RBM33: variants seen among roughly 807,000 people sequenced by gnomAD.
RBM33 encodes the protein RNA-binding protein 33.
A neutral mutation model predicts 132.6 loss-of-function variants in RBM33; 28 were observed. That is an observed-to-expected ratio of 0.21 (90% CI 0.16 to 0.29). The LOEUF (loss-of-function observed/expected upper bound fraction) is 0.29, where lower values mean the gene tolerates loss of function less well. RBM33 is among the 10% of genes least tolerant of loss of function. The pLI, the probability that RBM33 is intolerant of heterozygous loss-of-function variation, is 1.00. For synonymous variants in RBM33, 634 were observed against 593.0 expected (o/e 1.07, Z -1.01); for missense variants, 1,291 against 1,518.5 (o/e 0.85, Z 2.49).
intron 6 of RBM33, among the ~76,000 whole-genome samples, chr7:155,702,748 A>G (rs1800004396): frequency 6.6e-6 from 1 of 152,118 alleles, no homozygotes; most frequent in African/African-American, 2.4e-5. Context: ...CTGGGGAGGG[A>G]TGGAGGAAGA....
At chr7:155,684,788 G>A (rs1799426719) in intron 5 of RBM33, 11 of 846,816 alleles carry the variant, frequency 1.3e-5, no homozygotes, top group Non-Finnish European at 1.9e-5. Flanking sequence ...CTGTTTCTGG[G>A]CCTGGTGCTT....
chr7:155,740,352 T>A (rs1313612726), intron 12 of RBM33, among the ~76,000 whole-genome samples: 1 of 152,244 alleles, frequency 6.6e-6, no homozygotes, highest in Non-Finnish European at 1.5e-5. Flanking sequence ...TTTTGGGTGG[T>A]AGTCACTTTC....
chr7:155,701,276 G>A (rs1037976433), intron 6 of RBM33: 28 of 427,362 alleles, frequency 6.6e-5, no homozygotes, highest in Middle Eastern at 1.2e-3. Flanking sequence ...GTAGCTATGG[G>A]GCCAGGTTGA....
At position 155,704,534 on chromosome 7, in the gene RBM33, G is replaced by A. The variant is rs370698982; in HGVS notation, c.740-2326G>A. Among the ~76,000 whole-genome samples the A allele has an allele frequency of 3.3e-5, 5 of 152,308 alleles. No individual in the cohort carries two copies. The East Asian group carries it at 9.6e-4, about 29-fold the overall frequency. On this transcript the variant is annotated intron_variant, in intron 6 of 17. Transcript: ENST00000401878. ...TTTCTGAAGATGGTGTCACTGACCAGTGTCCCCCAATTGCCAGTCCTGCAA... is the reference window on the plus strand; with the variant it reads ...TTTCTGAAGATGGTGTCACTGACCAATGTCCCCCAATTGCCAGTCCTGCAA...
intron 9 of RBM33, among the ~76,000 whole-genome samples, chr7:155,722,221 C>T (rs1800649685): frequency 6.6e-6 from 1 of 152,190 alleles, no homozygotes. Flanking sequence ...CAGAGCTTAA[C>T]ATGTCCTGTG....
At chr7:155,662,984 C>G (rs750703097) in intron 1 of RBM33, among the ~76,000 whole-genome samples, 1 of 152,162 alleles carries the variant, frequency 6.6e-6, no homozygotes, top group Non-Finnish European at 1.5e-5. Context: ...TGCTGCCATT[C>G]TTGCCAGATT....
intron 13 of RBM33, 34 bp downstream of exon 13, chr7:155,742,140 TCAAA>T: frequency 1.9e-6 from 3 of 1,563,980 alleles, no homozygotes; most frequent in African/African-American, 2.7e-5. Flanking sequence ...AATGTTGGTC[TCAAA>T]CAAGAAGCCT....
chr7:155,665,341 G>T, intron 2 of RBM33, 88 bp downstream of exon 2: 3 of 1,153,696 alleles, frequency 2.6e-6, no homozygotes, highest in Non-Finnish European at 2.6e-6. Flanking sequence ...ACTGAACGCA[G>T]CACCTTGACT....
intron 9 of RBM33, among the ~76,000 whole-genome samples, chr7:155,734,079 C>T (rs538258487): frequency 6.6e-6 from 1 of 152,358 alleles, no homozygotes; most frequent in South Asian, 2.1e-4. Context: ...CCTGGCTGCA[C>T]TAGTGCCAGC....
chr7:155,685,932 T>TC (rs1007627768), intron 5 of RBM33, among the ~76,000 whole-genome samples: 3 of 152,038 alleles, frequency 2.0e-5, no homozygotes, highest in Admixed American at 6.6e-5. Flanking sequence ...TTTACCCTTT[T>TC]CCCCCCCAGT....
chr7:155,704,164 A>G (rs1366857164), intron 6 of RBM33, among the ~76,000 whole-genome samples: 1 of 152,190 alleles, frequency 6.6e-6, no homozygotes, highest in Non-Finnish European at 1.5e-5. Context: ...CAGCCTCAGC[A>G]GTTAAGGAAC....
chr7:155,645,082 T>G, intron 1 of RBM33, 163 bp downstream of exon 1: 1 of 524,684 alleles, frequency 1.9e-6, no homozygotes, highest in African/African-American at 2.0e-5. Flanking sequence ...CTCGCTATTG[T>G]CATTCTCCCT....
At chr7:155,734,243 C>T (rs1428547284) in intron 9 of RBM33, among the ~76,000 whole-genome samples, 1 of 152,238 alleles carries the variant, frequency 6.6e-6, no homozygotes, top group Admixed American at 6.5e-5. Context: ...TGAGTGCGTG[C>T]TTCTGTGGGT....
At chr7:155,659,242 G>A (rs1405304890) in intron 1 of RBM33, among the ~76,000 whole-genome samples, 4 of 152,108 alleles carry the variant, frequency 2.6e-5, no homozygotes, top group Non-Finnish European at 5.9e-5. Flanking sequence ...CCCATTCATA[G>A]TAGAAAAAGA....
intron 9 of RBM33, among the ~76,000 whole-genome samples, chr7:155,718,965 TCTCA>T (rs986592531): frequency 3.3e-5 from 5 of 152,106 alleles, no homozygotes; most frequent in African/African-American, 9.7e-5. Flanking sequence ...TCTCTCTCTC[TCTCA>T]CACACACACA....
intron 3 of RBM33, among the ~76,000 whole-genome samples, 157 bp downstream of exon 3, chr7:155,673,072 C>CT (rs1798987942): frequency 6.6e-6 from 1 of 152,110 alleles, no homozygotes; most frequent in Non-Finnish European, 1.5e-5. Flanking sequence ...AGGGAATTGA[C>CT]TGTTTATTAG....
At chr7:155,726,326 CTT>C (rs765161288) in intron 9 of RBM33, among the ~76,000 whole-genome samples, 2 of 150,726 alleles carry the variant, frequency 1.3e-5, no homozygotes, top group Non-Finnish European at 3.0e-5. Flanking sequence ...ATACGATTAA[CTT>C]TGTGCTAAGC....
At chr7:155,682,712 G>A (rs948694362) in intron 5 of RBM33, among the ~76,000 whole-genome samples, 7 of 152,170 alleles carry the variant, frequency 4.6e-5, no homozygotes, top group Non-Finnish European at 5.9e-5. Flanking sequence ...AGATCATAGC[G>A]TGGAAGGTGC....
At chr7:155,720,462 CGTT>C (rs1033818329) in intron 9 of RBM33, among the ~76,000 whole-genome samples, 9 of 152,132 alleles carry the variant, frequency 5.9e-5, no homozygotes, top group African/African-American at 2.2e-4. Context: ...GGCTACCTCT[CGTT>C]GTTTTACTTG....
Sources: allele counts gnomAD v4.1 joint callset (sites outside exome capture counted in the v4.1 genomes callset), GRCh38; gene constraint gnomAD v4.1.1; transcripts MANE v1.5; gene names NCBI Gene and HGNC (gene_info 2026-07-23, HGNC 2026-07-21).